IGSF3: variants seen among roughly 807,000 people sequenced by gnomAD.
IGSF3 encodes glu-Trp-Ile EWI motif-containing protein 3.
Under a neutral mutation model 114.4 loss-of-function variants are expected in IGSF3, and 23 were observed. The ratio of observed to expected loss-of-function variants is 0.20; its 90% CI spans 0.14 to 0.28. The LOEUF is 0.28. Among genes scored for constraint, IGSF3 ranks in the 10% least tolerant of loss-of-function variants. IGSF3 has a pLI of 1.00. For missense variants in IGSF3, 1,172 were observed against 1,591.5 expected, an observed-to-expected ratio of 0.74 and a Z score of 4.48; for synonymous variants, 571 against 645.2, an observed-to-expected ratio of 0.88 and a Z score of 1.74.
Position 116,649,216 on chromosome 1 carries a change from T to G in IGSF3, c.43+17068A>C, listed in dbSNP as rs181599110. Among the ~76,000 whole-genome samples, 367 of 152,342 alleles carry G rather than the reference T, an allele frequency of 2.4e-3. 2 individuals are homozygous for G. The highest frequency in any genetic ancestry group is 8.4e-3 in the African/African-American group (350 of 41,586). On this transcript the variant is annotated intron_variant, in intron 2 of 10. Coordinates refer to ENST00000369486, the MANE Select transcript of IGSF3 (RefSeq NM_001007237.3). The surrounding 1 kb of genome is among the most constrained non-coding windows in gnomAD (Gnocchi z 4.5). ...TTCTGGCCCTAGCCCAAGGCTGCTGTGGCATGGAAGGAATCAATGGAGGAA... is the reference window on the plus strand; with the variant it reads ...TTCTGGCCCTAGCCCAAGGCTGCTGGGGCATGGAAGGAATCAATGGAGGAA...
chr1:116,636,587 C>T lies in IGSF3; in HGVS notation c.44-20130G>A, dbSNP rs1287573074. On this transcript the variant is annotated intron_variant, in intron 2 of 10. Coordinates refer to ENST00000369486, the MANE Select transcript of IGSF3 (RefSeq NM_001007237.3). The surrounding 1 kb of genome is among the most constrained non-coding windows in gnomAD (Gnocchi z 4.5). ...GGAAAGAATGAACAGTCATCTGGCC[C>T]AGACTTGGAGAAGCTGTGATCTGTC... Among the ~76,000 whole-genome samples, 3 of 152,144 alleles carry T rather than the reference C, an allele frequency of 2.0e-5. No individual in the cohort carries two copies. Among genetic ancestry groups the T allele is most frequent in the African/African-American group, 7.2e-5 (3 of 41,430 alleles).
rs749905506 is a variant in IGSF3 at position 116,600,266 on chromosome 1, G to A, written c.1704C>T (p.Ile568=). Residue 568 remains isoleucine (I), a synonymous_variant, in exon 7 of 11, where the codon ATC becomes ATT. Transcript: ENST00000369486. The surrounding 1 kb of genome is among the most constrained non-coding windows in gnomAD (Gnocchi z 5.5). The part of the protein sequence containing the change: ...YSDSFDLQCI[I]KPHYPAWVPV... ...GGACCCAGGCAGGGTAGTGGGGTTT[G>A]ATGATACACTGCAAGTCAAAGGAGT... 2 of 1,613,908 alleles carry A rather than the reference G, an allele frequency of 1.2e-6. No individual in the cohort carries two copies. Among genetic ancestry groups the A allele is most frequent in the African/African-American group, 2.7e-5 (2 of 74,958 alleles).
At chr1:116,619,416 A>G (rs1456009784) in intron 2 of IGSF3, among the ~76,000 whole-genome samples, 1 of 152,236 alleles carries the variant, frequency 6.6e-6, no homozygotes, top group Non-Finnish European at 1.5e-5. Flanking sequence ...CTAGGCTGGA[A>G]GCAGGTTATA....
Position 116,577,340 on chromosome 1 carries a change from A to G in IGSF3, c.3557T>C (p.Leu1186Pro). The change falls in exon 11 of 11, where the codon CTC becomes CCC. Residue 1186 changes from leucine to proline, a missense_variant. Leu to Pro is a moderately conservative substitution (Grantham distance 98). This residue lies in a region of IGSF3 where 423 missense variants were observed against 509.8 expected (regional missense o/e 0.83). Coordinates refer to ENST00000369486, the MANE Select transcript of IGSF3 (RefSeq NM_001007237.3). The surrounding 1 kb of genome is among the most constrained non-coding windows in gnomAD (Gnocchi z 5.7). ...YSPTCLEPPV[L>P]SIHPGAID The stretch of plus-strand genomic sequence containing the variant: ...GTCTATGGCCCCTGGATGGATACTG[A>G]GAACAGGGGGCTCCAGGCAAGTAGG... 6.2e-7 allele frequency: 1 copy of G among 1,614,014 alleles called. No homozygotes were observed. The highest frequency in any genetic ancestry group is 8.5e-7 in the Non-Finnish European group (1 of 1,180,006).
At chr1:116,611,967 G>T (rs1341646486) in intron 4 of IGSF3, among the ~76,000 whole-genome samples, 3 of 152,286 alleles carry the variant, frequency 2.0e-5, no homozygotes, top group Non-Finnish European at 4.4e-5. Context: ...GAAGGGTAGA[G>T]TTGGAGATGC....
rs1647842056 is a variant in IGSF3 at position 116,636,606 on chromosome 1, A to G, written c.44-20149T>C. ...CTGGCCCAGACTTGGAGAAGCTGTG[A>G]TCTGTCTAGCCCTTCTACACCAGGA... is the stretch of plus-strand genomic sequence containing the variant. On this transcript the variant is annotated intron_variant, in intron 2 of 10. Transcript: ENST00000369486. The surrounding 1 kb of genome is among the most constrained non-coding windows in gnomAD (Gnocchi z 4.5). 6.6e-6 allele frequency among the ~76,000 whole-genome samples: 1 copy of G among 152,150 alleles called. No homozygotes were observed. Among genetic ancestry groups the G allele is most frequent in the Non-Finnish European group, 1.5e-5 (1 of 68,028 alleles).
chr1:116,581,259 G>C (rs1659588530), intron 9 of IGSF3, among the ~76,000 whole-genome samples: 1 of 151,662 alleles, frequency 6.6e-6, no homozygotes, highest in Non-Finnish European at 1.5e-5. Flanking sequence ...CCACAGAGAG[G>C]GACCCCAAGC....
At chr1:116,631,742 T>C (rs1647600809) in intron 2 of IGSF3, among the ~76,000 whole-genome samples, 1 of 152,192 alleles carries the variant, frequency 6.6e-6, no homozygotes, top group African/African-American at 2.4e-5. Flanking sequence ...TCCTGCCATG[T>C]GCCTCTGAGA....
In IGSF3 at chr1:116,649,771, A is replaced by C. The variant is rs1258413302; in HGVS notation, c.43+16513T>G. Among the ~76,000 whole-genome samples the C allele has an allele frequency of 6.6e-6, 1 of 152,144 alleles. No individual in the cohort carries two copies. Among genetic ancestry groups the C allele is most frequent in the Non-Finnish European group, 1.5e-5 (1 of 68,032 alleles). On this transcript the variant is annotated intron_variant, in intron 2 of 10. Coordinates refer to ENST00000369486, the MANE Select transcript of IGSF3 (RefSeq NM_001007237.3). The surrounding 1 kb of genome is among the most constrained non-coding windows in gnomAD (Gnocchi z 4.5). ...TTTCATTCCTTTCTCCCCTGTTCAT[A>C]AGCCTGTAATACTTTTCCGGCTGCA...
intron 2 of IGSF3, among the ~76,000 whole-genome samples, chr1:116,630,222 G>C (rs1211842808): frequency 1.3e-5 from 2 of 152,196 alleles, no homozygotes; most frequent in East Asian, 3.8e-4. Flanking sequence ...CCCAGATGCT[G>C]TTAAGGGGCT....
Position 116,603,683 on chromosome 1 carries a change from C to T in IGSF3, c.1565G>A (p.Gly522Asp), listed in dbSNP as rs920690461. The change falls in exon 6 of 11, where the codon GGC (glycine) becomes GAC (aspartate). Residue 522 changes from glycine (G) to aspartate (D), a missense_variant. Physicochemically the swap from Gly to Asp is moderately conservative, Grantham distance 94. Coordinates refer to ENST00000369486, the MANE Select transcript of IGSF3 (RefSeq NM_001007237.3). This position sits in a 1 kb window ranked among gnomAD's most constrained non-coding sequence, Gnocchi z 7.1. ...HVTEWVRAVD[G>D]EWQIVGERRA... is the part of the protein sequence containing the mutation. The stretch of plus-strand genomic sequence containing the variant: ...GCGCTCCCCAACAATCTGCCACTCG[C>T]CATCCACTGCCCGCACCCATTCAGT... The T allele has an allele frequency of 1.9e-6, 3 of 1,613,858 alleles. No homozygotes were observed. The highest frequency in any genetic ancestry group is 1.1e-5 in the South Asian group (1 of 91,072).
chr1:116,602,775 A>G (rs1660643392), intron 6 of IGSF3, among the ~76,000 whole-genome samples: 1 of 152,334 alleles, frequency 6.6e-6, no homozygotes, highest in South Asian at 2.1e-4. Flanking sequence ...ACCTGATATA[A>G]CAAGTTTCTT....
intron 9 of IGSF3, among the ~76,000 whole-genome samples, chr1:116,581,320 CTTTTT>C (rs955415319): frequency 4.2e-5 from 3 of 70,592 alleles, no homozygotes; most frequent in Middle Eastern, 9.3e-3. Context: ...GTTTTGCTGT[CTTTTT>C]TTTTTTTTTT....
chr1:116,579,702 T>C lies in IGSF3; in HGVS notation c.3024A>G (p.Glu1008=). Reference sequence around the variant, plus strand: ...CCTCCTCCTCCCTTTCCTCTTCCTGTTCTTCCAGGCCAGGGCTGCTCCTTT... The same window carrying C: ...CCTCCTCCTCCCTTTCCTCTTCCTGCTCTTCCAGGCCAGGGCTGCTCCTTT... ...GGKRSSPGLE[E]QEEEREEEEE... is the part of the protein sequence containing the mutation. The change falls in exon 10 of 11, where the codon GAA becomes GAG. Residue 1008 remains glutamate (E), a synonymous_variant. Coordinates refer to ENST00000369486, the MANE Select transcript of IGSF3 (RefSeq NM_001007237.3). The surrounding 1 kb of genome is among the most constrained non-coding windows in gnomAD (Gnocchi z 6.4). 1 of 1,591,776 alleles carries C rather than the reference T, an allele frequency of 6.3e-7. No individual in the cohort carries two copies. Among genetic ancestry groups the C allele is most frequent in the Non-Finnish European group, 8.6e-7 (1 of 1,164,982 alleles).
chr1:116,658,605 T>C (rs1403951100), intron 2 of IGSF3, among the ~76,000 whole-genome samples: 1 of 152,156 alleles, frequency 6.6e-6, no homozygotes, highest in Non-Finnish European at 1.5e-5. Context: ...ACATTCAGGT[T>C]TCTCCACCCC....
intron 2 of IGSF3, among the ~76,000 whole-genome samples, chr1:116,641,223 C>A (rs1311681609): frequency 6.6e-6 from 1 of 152,004 alleles, no homozygotes; most frequent in Non-Finnish European, 1.5e-5. Flanking sequence ...AAGAACGGGG[C>A]GTGGTGGCTC....
chr1:116,603,907 G>A lies in IGSF3; in HGVS notation c.1341C>T (p.Ile447=), dbSNP rs1384453989. ...GGTTCTGCCTGTCCACAAGCTGCCA[G>A]ATGACAGAGAAGCGACCCTGCGGCC... ...AGRPQGRFSV[I]WQLVDRQNRR... The change falls in exon 6 of 11, where the codon ATC becomes ATT. Residue 447 remains isoleucine (I), a synonymous_variant. Coordinates refer to ENST00000369486, the MANE Select transcript of IGSF3 (RefSeq NM_001007237.3). This position sits in a 1 kb window ranked among gnomAD's most constrained non-coding sequence, Gnocchi z 7.1. 5.6e-6 allele frequency: 9 copies of A among 1,614,106 alleles called. No individual in the cohort carries two copies. Among genetic ancestry groups the A allele is most frequent in the Non-Finnish European group, 6.8e-6 (8 of 1,180,000 alleles).
Position 116,603,656 on chromosome 1 carries a change from C to T in IGSF3, c.1592G>A (p.Arg531Gln), listed in dbSNP as rs368814968. The T allele has an allele frequency of 2.0e-5, 32 of 1,613,724 alleles. No individual in the cohort carries two copies. The highest frequency in any genetic ancestry group is 2.2e-5 in the South Asian group (2 of 91,034). Residue 531 changes from arginine to glutamine, a missense_variant, in exon 6 of 11, where the codon CGG becomes CAG. Physicochemically the swap from Arg to Gln is conservative, Grantham distance 43 (BLOSUM62 1). This residue lies in a region of IGSF3 where 736 missense variants were observed against 1,042.0 expected (regional missense o/e 0.71). Coordinates refer to ENST00000369486, the MANE Select transcript of IGSF3 (RefSeq NM_001007237.3). This position sits in a 1 kb window ranked among gnomAD's most constrained non-coding sequence, Gnocchi z 7.1. ...DGEWQIVGER[R>Q]ASTPISITAL... ...TGTGATGGAGATGGGAGTGCTGGCC[C>T]GGCGCTCCCCAACAATCTGCCACTC...
chr1:116,655,760 G>C lies in IGSF3; in HGVS notation c.43+10524C>G, dbSNP rs1193462611. The stretch of plus-strand genomic sequence containing the variant: ...GTATTTATGGTTGTCATCTTAACAG[G>C]TTTCAAACAGGCTTCATTTTAATTT... On this transcript the variant is annotated intron_variant, in intron 2 of 10. Transcript: ENST00000369486. The surrounding 1 kb of genome is among the most constrained non-coding windows in gnomAD (Gnocchi z 4.3). 6.6e-6 allele frequency among the ~76,000 whole-genome samples: 1 copy of C among 152,122 alleles called. No homozygotes were observed. The highest frequency in any genetic ancestry group is 2.1e-4 in the South Asian group (1 of 4,816).
Sources: gnomAD v4.1 joint callset for allele counts (sites outside exome capture counted in the v4.1 genomes callset) on GRCh38, gnomAD v4.1.1 for gene constraint, gnomAD v4.1.1 regional missense constraint, Gnocchi (gnomAD v3.1) non-coding constraint, MANE v1.5 for transcripts, NCBI Gene and HGNC (gene_info 2026-07-23, HGNC 2026-07-21) for gene names.